Variants in PZP observed in about 807,000 individuals in gnomAD.
PZP encodes the protein PZP alpha-2-macroglobulin like.
PZP carries 150 observed loss-of-function variants against 179.8 expected under a neutral mutation model. That is an observed-to-expected ratio of 0.83 (90% CI 0.73 to 0.96). The LOEUF is 0.96. PZP is among the 40% of genes least tolerant of loss of function. The probability of loss-of-function intolerance (pLI) is 0.00; values close to 1 mark genes in which losing one functional copy is unlikely to be tolerated. For missense variants in PZP, 1,689 were observed against 1,764.0 expected (o/e 0.96, Z 0.76); for synonymous variants, 624 against 652.3 (o/e 0.96, Z 0.66).
chr12:9,172,269 A>G (rs1942054799), intron 15 of PZP, among the ~76,000 whole-genome samples: 1 of 152,192 alleles, frequency 6.6e-6, no homozygotes, highest in African/African-American at 2.4e-5. Context: ...GAGAAATAAG[A>G]TTCTTTTCAA....
chr12:9,160,952 A>G, intron 23 of PZP, 81 bp downstream of exon 23: 3 of 1,176,600 alleles, frequency 2.5e-6, no homozygotes, highest in South Asian at 1.3e-5. Flanking sequence ...CAAGAACTTG[A>G]TAATTCAAAT....
chr12:9,160,876 C>T (rs1941147658), intron 23 of PZP, among the ~76,000 whole-genome samples, 157 bp downstream of exon 23: 1 of 151,356 alleles, frequency 6.6e-6, no homozygotes, highest in African/African-American at 2.4e-5. Flanking sequence ...GATCACGTCA[C>T]TGTACTCCAG....
chr12:9,158,617 G>T, intron 25 of PZP, 41 bp from the exon 26 acceptor site: 1 of 1,602,662 alleles, frequency 6.2e-7, no homozygotes. Flanking sequence ...TCTTTTCATT[G>T]AGCACTTTAC....
chr12:9,203,748 G>C lies in PZP; in HGVS notation c.267+20C>G. On this transcript the variant is annotated intron_variant, in intron 2 of 35. Coordinates refer to ENST00000261336, the MANE Select transcript of PZP (RefSeq NM_002864.3). Reference sequence around the variant, plus strand: ...AAAATGTATCAAGCAGGGATAGCCAGCTGGCACCGTAGCACTCACAGTGAA... The same window carrying C: ...AAAATGTATCAAGCAGGGATAGCCACCTGGCACCGTAGCACTCACAGTGAA... 1 of 1,613,520 alleles carries C rather than the reference G, an allele frequency of 6.2e-7. No homozygotes were observed. Among genetic ancestry groups the C allele is most frequent in the Non-Finnish European group, 8.5e-7 (1 of 1,179,634 alleles).
Position 9,192,227 on chromosome 12 carries a change from A to G in PZP, c.1512T>C (p.Ser504=). ...ACTCCACAGGCAGAGTGTGGGTTCC[A>G]GATCTGACGATGACTCCCTTAGCCA... ...LIMAKGVIVR[S]GTHTLPVESG... The change falls in exon 13 of 36, where the codon TCT becomes TCC. Residue 504 remains serine (S), a synonymous_variant. Transcript: ENST00000261336. 1.2e-6 allele frequency: 2 copies of G among 1,614,112 alleles called. No individual in the cohort carries two copies. The highest frequency in any genetic ancestry group is 2.2e-5 in the East Asian group (1 of 44,878).
At chr12:9,164,754 T>C (rs1271851990) in intron 19 of PZP, among the ~76,000 whole-genome samples, 3 of 152,214 alleles carry the variant, frequency 2.0e-5, no homozygotes, top group Admixed American at 2.0e-4. Context: ...AGATAAGTGC[T>C]ATAAGATAAA....
chr12:9,181,768 A>T (rs1439273906), intron 14 of PZP, among the ~76,000 whole-genome samples: 2 of 152,110 alleles, frequency 1.3e-5, no homozygotes, highest in African/African-American at 4.8e-5. Context: ...TGAACACAAA[A>T]CTGATTGTAT....
chr12:9,140,425 C>G, the PZP span, among the ~76,000 whole-genome samples: 1 of 152,152 alleles, frequency 6.6e-6, no homozygotes, highest in Admixed American at 6.5e-5. Context: ...AGCAACATTC[C>G]TTACCTAATG....
intron 15 of PZP, among the ~76,000 whole-genome samples, chr12:9,175,308 A>T (rs886843952): frequency 1.3e-5 from 2 of 152,248 alleles, no homozygotes; most frequent in Non-Finnish European, 2.9e-5. Flanking sequence ...TACAAAAATT[A>T]ACTCAAGATG....
chr12:9,150,734 T>A lies in PZP; in HGVS notation c.4294A>T (p.Thr1432Ser). Residue 1432 changes from threonine (T) to serine (S), a missense_variant, in exon 34 of 36, where the codon ACG becomes TCG. This residue lies in a region of PZP where 746 missense variants were observed against 749.2 expected (regional missense o/e 1.00). Coordinates refer to ENST00000261336, the MANE Select transcript of PZP (RefSeq NM_002864.3). The stretch of plus-strand genomic sequence containing the variant: ...AGAACCATGAAGGAAAAACTTAGCG[T>A]CTGATTTGTCACCTGAAAGGAAAAG... ...LIYVEQVTNQTLSFSFMVLQD... is the reference protein window; with the variant it reads ...LIYVEQVTNQSLSFSFMVLQD... 1 of 1,610,862 alleles carries A rather than the reference T, an allele frequency of 6.2e-7. No homozygotes were observed. Among genetic ancestry groups the A allele is most frequent in the African/African-American group, 1.3e-5 (1 of 74,982 alleles).
Position 9,149,503 on chromosome 12 carries a change from G to T in PZP, c.4426+58C>A, listed in dbSNP as rs150636378. On this transcript the variant is annotated intron_variant, in intron 35 of 35. Coordinates refer to ENST00000261336, the MANE Select transcript of PZP (RefSeq NM_002864.3). ...CCTTGTAGAGAATTTAAATTGCAGG[G>T]GCCCTTGGAGAGTGGGTTAATGCCA... 4.3e-5 allele frequency: 64 copies of T among 1,477,574 alleles called. No individual in the cohort carries two copies. The East Asian group carries it at 1.0e-3, about 23-fold the overall frequency. 91.5% of individuals were successfully genotyped at this position (1,477,574 alleles called of 1,614,324 possible).
chr12:9,181,883 C>A, intron 14 of PZP, 92 bp downstream of exon 14: 1 of 1,408,818 alleles, frequency 7.1e-7, no homozygotes, highest in South Asian at 1.4e-5. Context: ...ACTCATTTTA[C>A]TTTTCTGGAC....
chr12:9,140,424 C>T, the PZP span, among the ~76,000 whole-genome samples: 3 of 152,142 alleles, frequency 2.0e-5, no homozygotes, highest in Admixed American at 2.0e-4. Flanking sequence ...AAGCAACATT[C>T]CTTACCTAAT....
rs559943625 is a variant in PZP at position 9,179,472 on chromosome 12, A to G, written c.1839+1511T>C. ...CCATGAATTAATATAACTATAGTCA[A>G]AAGCAGATAATTAAAATTTTAGTCT... On this transcript the variant is annotated intron_variant, in intron 15 of 35. Transcript: ENST00000261336. Among the ~76,000 whole-genome samples the G allele has an allele frequency of 2.6e-5, 4 of 152,344 alleles. No homozygotes were observed. In the Middle Eastern group the frequency reaches 0.01, roughly 389 times the overall value.
At position 9,202,457 on chromosome 12, in the gene PZP, A is replaced by G. The variant is rs1944219278; in HGVS notation, c.427+68T>C. The G allele has an allele frequency of 5.0e-6, 8 of 1,612,544 alleles. No homozygotes were observed. In the South Asian group the frequency reaches 8.8e-5, roughly 18 times the overall value. On this transcript the variant is annotated intron_variant, in intron 3 of 35. Coordinates refer to ENST00000261336, the MANE Select transcript of PZP (RefSeq NM_002864.3). Reference sequence around the variant, plus strand: ...GACAGGAGGCTACGGGGCTAGGATAATGGAGACTTTGGCTGTTCAGGTGGC... The same window carrying G: ...GACAGGAGGCTACGGGGCTAGGATAGTGGAGACTTTGGCTGTTCAGGTGGC...
At chr12:9,202,222 T>A in intron 4 of PZP, 97 bp downstream of exon 4, 1 of 1,121,828 alleles carries the variant, frequency 8.9e-7, no homozygotes. Context: ...AAAACAAGTG[T>A]CTTTCATCCT....
intron 13 of PZP, among the ~76,000 whole-genome samples, chr12:9,190,349 G>A (rs1048807894): frequency 2.0e-5 from 3 of 152,302 alleles, no homozygotes; most frequent in East Asian, 3.9e-4. Context: ...CTTTGCAGGA[G>A]CATACATGGA....
intron 25 of PZP, 24 bp from the exon 26 acceptor site, chr12:9,158,600 C>T: frequency 6.2e-7 from 1 of 1,611,454 alleles, no homozygotes; most frequent in Admixed American, 1.7e-5. Flanking sequence ...AAATGCAGTG[C>T]TGAGGCTCTT....
intron 26 of PZP, 117 bp downstream of exon 26, chr12:9,158,303 A>G (rs112569733): frequency 5.0e-6 from 7 of 1,397,030 alleles, no homozygotes; most frequent in Non-Finnish European, 4.9e-6. Context: ...CCCTGATGCC[A>G]TCCCACATCA....
Sources: allele counts gnomAD v4.1 joint callset (sites outside exome capture counted in the v4.1 genomes callset), GRCh38; gene constraint gnomAD v4.1.1; regional missense constraint gnomAD v4.1.1; transcripts MANE v1.5; gene names NCBI Gene and HGNC (gene_info 2026-07-23, HGNC 2026-07-21).